PPA2: variants seen among roughly 807,000 people sequenced by gnomAD.
PPA2 encodes the protein inorganic pyrophosphatase 2, mitochondrial.
A neutral mutation model predicts 49.5 loss-of-function variants in PPA2; 48 were observed. The ratio of observed to expected loss-of-function variants is 0.97; its 90% CI spans 0.77 to 1.23. PPA2 has a LOEUF of 1.23. PPA2 is among the 50% of genes most tolerant of loss of function. PPA2 has a pLI of 0.00. For missense variants in PPA2, 429 were observed against 410.1 expected (o/e 1.05, Z -0.40); for synonymous variants, 131 against 139.9 (o/e 0.94, Z 0.45).
In PPA2 at chr4:105,450,601, C is replaced by CTTTTTTTTTTTTT. The variant is rs575896250; in HGVS notation, c.268-1211_268-1199dup. ...ATGCTGGCCAGGCTGGTCTGGAATT[C>CTTTTTTTTTTTTT]TTTTTTTTTTTTTTTTTTTTTTTTG... On this transcript the variant is annotated intron_variant, in intron 3 of 11. Transcript: ENST00000341695. Among the ~76,000 whole-genome samples the CTTTTTTTTTTTTT allele has an allele frequency of 6.9e-3, 567 of 82,616 alleles. 85 individuals are homozygous for CTTTTTTTTTTTTT. The highest frequency in any genetic ancestry group is 9.6e-3 in the Non-Finnish European group (418 of 43,384). The allele number at this position is 82,616 out of a possible 152,430, so 54.2% of individuals were successfully genotyped here.
At chr4:105,419,964 T>C (rs897883763) in intron 7 of PPA2, among the ~76,000 whole-genome samples, 13 of 152,044 alleles carry the variant, frequency 8.6e-5, no homozygotes, top group Admixed American at 1.3e-4. Context: ...TCTTTTTTTT[T>C]TTCGTTTGTT....
At chr4:105,444,661 C>A (rs927247182) in intron 5 of PPA2, among the ~76,000 whole-genome samples, 1 of 152,102 alleles carries the variant, frequency 6.6e-6, no homozygotes, top group East Asian at 1.9e-4. Flanking sequence ...ACCTCCGTTC[C>A]TCCCCTTCTC....
chr4:105,473,769 G>T, intron 1 of PPA2, 125 bp downstream of exon 1: 1 of 1,394,854 alleles, frequency 7.2e-7, no homozygotes, highest in Non-Finnish European at 1.0e-6. Context: ...GGACCGCGCG[G>T]CTACCGCTGA....
At chr4:105,384,336 T>C (rs564846242) in intron 10 of PPA2, among the ~76,000 whole-genome samples, 1 of 152,292 alleles carries the variant, frequency 6.6e-6, no homozygotes, top group African/African-American at 2.4e-5. Context: ...GCCAGGTAAT[T>C]AAAGCTGTAT....
At chr4:105,472,961 TCA>T (rs1243297296) in intron 1 of PPA2, among the ~76,000 whole-genome samples, 1 of 151,986 alleles carries the variant, frequency 6.6e-6, no homozygotes, top group Non-Finnish European at 1.5e-5. Context: ...TCGTCCGGGG[TCA>T]CAGAGTTAAG....
chr4:105,432,370 A>T (rs1428193361), intron 6 of PPA2, among the ~76,000 whole-genome samples: 1 of 152,238 alleles, frequency 6.6e-6, no homozygotes, highest in Non-Finnish European at 1.5e-5. Context: ...TATCAAATTA[A>T]AGCAAAAGAA....
At chr4:105,404,714 A>C (rs1722379397) in intron 7 of PPA2, among the ~76,000 whole-genome samples, 1 of 152,204 alleles carries the variant, frequency 6.6e-6, no homozygotes, top group Admixed American at 6.5e-5. Context: ...AATTCCCCAA[A>C]ACTTTGTCCA....
intron 10 of PPA2, among the ~76,000 whole-genome samples, chr4:105,373,562 T>C (rs1733114602): frequency 6.6e-6 from 1 of 152,154 alleles, no homozygotes; most frequent in African/African-American, 2.4e-5. Flanking sequence ...ATGTACAGTG[T>C]ATAAAAATAG....
chr4:105,435,530 A>C (rs2713860), intron 6 of PPA2, among the ~76,000 whole-genome samples: 92,067 of 151,868 alleles, frequency 0.61, 27,919 homozygotes, highest in East Asian at 0.68. Flanking sequence ...AGAACCTGAG[A>C]AATACACTAG....
At chr4:105,391,776 T>G (rs1055108438) in intron 9 of PPA2, among the ~76,000 whole-genome samples, 1 of 152,198 alleles carries the variant, frequency 6.6e-6, no homozygotes, top group African/African-American at 2.4e-5. Flanking sequence ...AAGGGAATCA[T>G]AAGACGTTTT....
chr4:105,409,711 G>T (rs556430030), intron 7 of PPA2, among the ~76,000 whole-genome samples: 1 of 152,344 alleles, frequency 6.6e-6, no homozygotes, highest in South Asian at 2.1e-4. Flanking sequence ...TCAGGCAGCA[G>T]TATTTGCTGT....
At chr4:105,456,068 T>C in intron 2 of PPA2, 1 of 351,796 alleles carries the variant, frequency 2.8e-6, no homozygotes, top group East Asian at 6.9e-5. Context: ...TAGCATCAGT[T>C]CTCCTGGCAT....
In PPA2 at chr4:105,405,631, A is replaced by G. The variant is rs115949545; in HGVS notation, c.656-6467T>C. ...ATAAAAAGACTCCTCAAGTTTCCAAAGCATTCTGCTTCGGAAAAAACAGAG... is the reference window on the plus strand; with the variant it reads ...ATAAAAAGACTCCTCAAGTTTCCAAGGCATTCTGCTTCGGAAAAAACAGAG... On this transcript the variant is annotated intron_variant, in intron 7 of 11. Coordinates refer to ENST00000341695, the MANE Select transcript of PPA2 (RefSeq NM_176869.3). 6,000 of 1,014,764 alleles carry G rather than the reference A, an allele frequency of 5.9e-3. 25 individuals are homozygous for G. The highest frequency in any genetic ancestry group is 6.4e-3 in the Non-Finnish European group (5,421 of 845,462). 62.9% of individuals were successfully genotyped at this position (1,014,764 alleles called of 1,614,324 possible).
intron 1 of PPA2, among the ~76,000 whole-genome samples, chr4:105,463,222 T>C (rs897749009): frequency 6.6e-6 from 1 of 152,080 alleles, no homozygotes; most frequent in Non-Finnish European, 1.5e-5. Flanking sequence ...TGGTCTCAGA[T>C]GGAGATGAGG....
intron 3 of PPA2, 104 bp downstream of exon 3, chr4:105,453,494 C>G: frequency 1.2e-6 from 1 of 808,586 alleles, no homozygotes. Context: ...GAAAGTCTTG[C>G]AGGGGTAAAA....
chr4:105,412,277 C>T (rs1722797577), intron 7 of PPA2, among the ~76,000 whole-genome samples: 1 of 152,060 alleles, frequency 6.6e-6, no homozygotes, highest in South Asian at 2.1e-4. Flanking sequence ...AGAGGCCTCA[C>T]AAATAACACC....
intron 1 of PPA2, among the ~76,000 whole-genome samples, chr4:105,460,985 T>A (rs1239090716): frequency 6.6e-6 from 1 of 151,980 alleles, no homozygotes; most frequent in Non-Finnish European, 1.5e-5. Context: ...TATTAATAAA[T>A]AAAAATGTAA....
In PPA2 at chr4:105,449,336, A is replaced by C; in HGVS notation, c.321+14T>G. 6.6e-7 allele frequency: 1 copy of C among 1,504,474 alleles called. No homozygotes were observed. Among genetic ancestry groups the C allele is most frequent in the Non-Finnish European group, 9.1e-7 (1 of 1,095,740 alleles). 93.2% of individuals were successfully genotyped at this position (1,504,474 alleles called of 1,614,324 possible). ...TAATCATTTCGGTTTCATATTAATA[A>C]AGTATATCGGTACCTCCATTTTAGC... On this transcript the variant is annotated intron_variant, in intron 4 of 11. Transcript: ENST00000341695.
chr4:105,370,306 G>A (rs1045617064), intron 11 of PPA2, among the ~76,000 whole-genome samples: 11 of 152,118 alleles, frequency 7.2e-5, no homozygotes, highest in Admixed American at 2.0e-4. Context: ...AAAACAAAAA[G>A]CCAAAATCTT....
Sources: allele counts gnomAD v4.1 joint callset (sites outside exome capture counted in the v4.1 genomes callset), GRCh38; gene constraint gnomAD v4.1.1; transcripts MANE v1.5; gene names NCBI Gene and HGNC (gene_info 2026-07-23, HGNC 2026-07-21).